The following TDP1 variants were observed in gnomAD, a reference collection of about 807,000 sequenced individuals.
TDP1 encodes tyr-DNA phosphodiesterase 1.
In TDP1, 64 loss-of-function variants were observed where a neutral mutation model predicts 81.5. The observed-to-expected ratio is 0.79, with a 90% CI of 0.64 to 0.97. The LOEUF is 0.97. TDP1 is among the 50% of genes least tolerant of loss of function. The pLI is 0.00. For missense variants in TDP1, 723 were observed against 743.8 expected, an observed-to-expected ratio of 0.97 and a Z score of 0.33; for synonymous variants, 256 against 264.3, an observed-to-expected ratio of 0.97 and a Z score of 0.30.
At chr14:89,975,704 T>G in intron 6 of TDP1, 77 bp from the exon 7 acceptor site, 1 of 1,321,668 alleles carries the variant, frequency 7.6e-7, no homozygotes, top group Non-Finnish European at 1.1e-6. Context: ...TTGACCTGAT[T>G]GCTTTCTAAT....
chr14:89,965,084 A>G (rs1198543074), intron 3 of TDP1: 1 of 184,800 alleles, frequency 5.4e-6, no homozygotes, highest in Non-Finnish European at 1.2e-5. Flanking sequence ...AAGGGAAGAA[A>G]TACATGCTGG....
In TDP1 at chr14:89,962,074, G is replaced by A. The variant is rs75535951; in HGVS notation, c.-7-1034G>A. Among the ~76,000 whole-genome samples the A allele has an allele frequency of 7.3e-3, 1,115 of 152,260 alleles. 12 individuals are homozygous for A. The highest frequency in any genetic ancestry group is 0.023 in the African/African-American group (952 of 41,542). On this transcript the variant is annotated intron_variant, in intron 2 of 16. Transcript: ENST00000335725. ...AAGTGACTGTTTCGTGTACTTTCCT[G>A]TTCTCAGAACAAGAAAGTAGAATTT...
intron 15 of TDP1, among the ~76,000 whole-genome samples, chr14:90,021,944 C>T (rs1055737824): frequency 6.6e-6 from 1 of 152,234 alleles, no homozygotes; most frequent in African/African-American, 2.4e-5. Context: ...CCTGGTGAGG[C>T]CCCACTCACT....
intron 11 of TDP1, 47 bp downstream of exon 11, chr14:89,989,137 A>T (rs1300464727): frequency 1.3e-6 from 2 of 1,543,278 alleles, no homozygotes; most frequent in East Asian, 2.4e-5. Context: ...TTCTCTACAC[A>T]GGAGAAGAAT....
At chr14:89,975,398 C>G in intron 6 of TDP1, 2 of 985,302 alleles carry the variant, frequency 2.0e-6, no homozygotes, top group Non-Finnish European at 2.4e-6. Context: ...TTTAAATATG[C>G]TCTGAAAACT....
intron 5 of TDP1, among the ~76,000 whole-genome samples, chr14:89,969,934 T>C (rs1893412426): frequency 7.0e-6 from 1 of 143,626 alleles, no homozygotes; most frequent in South Asian, 2.2e-4. Flanking sequence ...TGGAGTGCAG[T>C]GGCGGGATCT....
rs35603532 is a variant in TDP1 at position 89,994,787 on chromosome 14, T to G, written c.1541+1304T>G. 5.9e-3 allele frequency among the ~76,000 whole-genome samples: 905 copies of G among 152,246 alleles called. 5 individuals carry two copies. The highest frequency in any genetic ancestry group is 0.021 in the African/African-American group (868 of 41,532). On this transcript the variant is annotated intron_variant, in intron 14 of 16. Transcript: ENST00000335725. The stretch of plus-strand genomic sequence containing the variant: ...GCTAAACTAAGTAAAGAGGTGCTAT[T>G]GTAAGTAGGCCTAGAAGTAAGCCTG...
chr14:89,981,118 C>G (rs2140074290), intron 8 of TDP1, among the ~76,000 whole-genome samples: 1 of 152,324 alleles, frequency 6.6e-6, no homozygotes, highest in East Asian at 1.9e-4. Context: ...AAACAGGAAT[C>G]AAAGGAAAAG....
intron 16 of TDP1, among the ~76,000 whole-genome samples, chr14:90,036,133 C>G (rs542252062): frequency 1.3e-5 from 2 of 152,192 alleles, no homozygotes; most frequent in East Asian, 1.9e-4. Flanking sequence ...CATATAATCT[C>G]AGGGTATGCT....
At chr14:89,980,829 A>G in intron 8 of TDP1, 197 bp downstream of exon 8, 1 of 596,810 alleles carries the variant, frequency 1.7e-6, no homozygotes, top group Non-Finnish European at 3.0e-6. Flanking sequence ...TGGGGTAACC[A>G]GTGTTAACAG....
intron 3 of TDP1, chr14:89,965,653 A>G (rs890236167): frequency 2.8e-6 from 1 of 352,884 alleles, no homozygotes. Flanking sequence ...CAGGAATGTG[A>G]GTTGATAATT....
At chr14:90,015,040 C>G (rs1014555738) in intron 14 of TDP1, among the ~76,000 whole-genome samples, 6 of 152,320 alleles carry the variant, frequency 3.9e-5, no homozygotes, top group Non-Finnish European at 7.3e-5. Flanking sequence ...GGGGAACACT[C>G]TAGTTCATGT....
At chr14:90,038,595 T>C (rs756055193) in intron 16 of TDP1, among the ~76,000 whole-genome samples, 29 of 152,200 alleles carry the variant, frequency 1.9e-4, no homozygotes, top group Non-Finnish European at 3.4e-4. Flanking sequence ...CCCAGCACTT[T>C]GGGAGGCAGA....
chr14:89,983,345 G>C (rs1646492218), intron 8 of TDP1: 2 of 275,428 alleles, frequency 7.3e-6, no homozygotes, highest in Non-Finnish European at 1.4e-5. Flanking sequence ...GCTACCTCCT[G>C]TGCTAAGTGT....
Position 90,021,926 on chromosome 14 carries a change from G to A in TDP1, c.1644+2508G>A, listed in dbSNP as rs34034519. 5.9e-5 allele frequency among the ~76,000 whole-genome samples: 9 copies of A among 152,340 alleles called. No individual in the cohort carries two copies. In the East Asian group the frequency reaches 1.2e-3, roughly 20 times the overall value. On this transcript the variant is annotated intron_variant, in intron 15 of 16. Coordinates refer to ENST00000335725, the MANE Select transcript of TDP1 (RefSeq NM_018319.4). ...GAACAGTGCTTTCCAGCAGGCTTCC[G>A]TCATGACCCTGGTGAGGCCCCACTC...
Position 89,996,620 on chromosome 14 carries a change from G to A in TDP1, c.1541+3137G>A, listed in dbSNP as rs36028337. 6.0e-3 allele frequency among the ~76,000 whole-genome samples: 908 copies of A among 152,278 alleles called. 6 individuals are homozygous for A. Among genetic ancestry groups the A allele is most frequent in the African/African-American group, 0.021 (871 of 41,558 alleles). The stretch of plus-strand genomic sequence containing the variant: ...GCTTTAACATTGTCAGACAGTACTA[G>A]ATGAGATGGTCATGTCTACTATTGA... On this transcript the variant is annotated intron_variant, in intron 14 of 16. Coordinates refer to ENST00000335725, the MANE Select transcript of TDP1 (RefSeq NM_018319.4).
intron 8 of TDP1, chr14:89,981,380 T>C: frequency 2.3e-6 from 1 of 430,244 alleles, no homozygotes; most frequent in Admixed American, 2.6e-5. Flanking sequence ...GGTTTGCTTT[T>C]TAAAAGGGAG....
At chr14:89,995,395 C>G (rs917890897) in intron 14 of TDP1, among the ~76,000 whole-genome samples, 2 of 152,152 alleles carry the variant, frequency 1.3e-5, no homozygotes, top group South Asian at 2.1e-4. Context: ...GTCTGATGCC[C>G]CCTCTTAATC....
chr14:89,960,590 C>A (rs1892211952), intron 2 of TDP1, among the ~76,000 whole-genome samples: 1 of 152,208 alleles, frequency 6.6e-6, no homozygotes. Context: ...GCCAGACAGT[C>A]TAGGGTCACT....
Sources: gnomAD v4.1 joint callset for allele counts (sites outside exome capture counted in the v4.1 genomes callset) on GRCh38, gnomAD v4.1.1 for gene constraint, MANE v1.5 for transcripts, NCBI Gene and HGNC (gene_info 2026-07-23, HGNC 2026-07-21) for gene names.